The following PDS5A variants were observed in gnomAD, a reference collection of about 807,000 sequenced individuals.
PDS5A encodes the protein sister chromatid cohesion protein PDS5 homolog A.
PDS5A carries 42 observed loss-of-function variants against 167.1 expected under a neutral mutation model. The ratio of observed to expected loss-of-function variants is 0.25; its 90% confidence interval spans 0.20 to 0.33. The LOEUF (loss-of-function observed/expected upper bound fraction) is 0.33, where lower values mean the gene tolerates loss of function less well. PDS5A is among the 10% of genes least tolerant of loss of function. The probability of loss-of-function intolerance (pLI) is 1.00; values close to 1 mark genes in which losing one functional copy is unlikely to be tolerated. For missense variants in PDS5A, 1,033 were observed against 1,605.9 expected, an observed-to-expected ratio of 0.64 and a Z score of 6.10; for synonymous variants, 553 against 554.6, an observed-to-expected ratio of 1.00 and a Z score of 0.04.
chr4:39,932,830 C>CAA (rs144780013), intron 2 of PDS5A: 9 of 149,582 alleles, frequency 6.0e-5, no homozygotes, highest in East Asian at 2.0e-4. Flanking sequence ...GACTCCATTT[C>CAA]AAAAAAAAAG....
Position 39,955,952 on chromosome 4 carries a change from TAAAAATAC to T in PDS5A, c.138+20480_138+20487del, listed in dbSNP as rs1218332440. Among the ~76,000 whole-genome samples, 3 of 151,616 alleles carry T rather than the reference TAAAAATAC, an allele frequency of 2.0e-5. No individual in the cohort carries two copies. In the East Asian group the frequency reaches 5.9e-4, roughly 30 times the overall value. ...CAACATGGCGAAACCCCATCTCTAC[TAAAAATAC>T]AAAAATTAGCCAGACATGGTGGTGG... On this transcript the variant is annotated intron_variant, in intron 2 of 32. Transcript: ENST00000303538.
intron 2 of PDS5A, among the ~76,000 whole-genome samples, chr4:39,929,708 AT>A (rs1339892230): frequency 6.7e-6 from 1 of 149,700 alleles, no homozygotes; most frequent in Non-Finnish European, 1.5e-5. Context: ...CTATATTTTT[AT>A]TCTGCCAAGA....
At chr4:39,910,189 T>C (rs1013436563) in intron 10 of PDS5A, 55 bp downstream of exon 10, 14 of 872,634 alleles carry the variant, frequency 1.6e-5, no homozygotes, top group South Asian at 4.6e-5. Context: ...ACAAGTCATA[T>C]CTACAATATA....
At chr4:39,902,171 A>G (rs535859501) in intron 13 of PDS5A, among the ~76,000 whole-genome samples, 176 bp downstream of exon 13, 2 of 152,352 alleles carry the variant, frequency 1.3e-5, no homozygotes, top group South Asian at 4.1e-4. Context: ...ACAAGCCTAC[A>G]CATATAAGAA....
At chr4:39,973,547 C>T in intron 2 of PDS5A, 1 of 1,310,660 alleles carries the variant, frequency 7.6e-7, no homozygotes, top group Non-Finnish European at 1.1e-6. Context: ...ATCACTAGTG[C>T]AAAGGCTATG....
At chr4:39,935,453 T>C (rs553434209) in intron 2 of PDS5A, among the ~76,000 whole-genome samples, 2 of 152,266 alleles carry the variant, frequency 1.3e-5, no homozygotes, top group Non-Finnish European at 2.9e-5. Context: ...TGTATGTCTA[T>C]ATTCATTCTG....
At chr4:39,912,667 A>C (rs1417836431) in intron 9 of PDS5A, among the ~76,000 whole-genome samples, 2 of 152,206 alleles carry the variant, frequency 1.3e-5, no homozygotes, top group East Asian at 3.8e-4. Flanking sequence ...GAGAATCTCG[A>C]ACATCTCCAG....
intron 32 of PDS5A, among the ~76,000 whole-genome samples, chr4:39,834,364 G>A (rs981513615): frequency 6.6e-6 from 1 of 152,118 alleles, no homozygotes; most frequent in African/African-American, 2.4e-5. Context: ...TGAGTGTTTG[G>A]ACAAAGTCAA....
chr4:39,899,077 T>C (rs1722658196), intron 14 of PDS5A, among the ~76,000 whole-genome samples: 1 of 152,148 alleles, frequency 6.6e-6, no homozygotes, highest in Non-Finnish European at 1.5e-5. Context: ...AACCCACAAG[T>C]ATATAACTTT....
In PDS5A at chr4:39,919,644, C is replaced by CA. The variant is rs1346386937; in HGVS notation, c.735+674dup. On this transcript the variant is annotated intron_variant, in intron 7 of 32. Coordinates refer to ENST00000303538, the MANE Select transcript of PDS5A (RefSeq NM_001100399.2). ...TCAGAGACAGAGTGAGACTCCGTCTCAAAAAAAATTTTTTTTTCATAAAGT... is the reference window on the plus strand; with the variant it reads ...TCAGAGACAGAGTGAGACTCCGTCTCAAAAAAAAATTTTTTTTTCATAAAGT... Among the ~76,000 whole-genome samples, 7 of 151,546 alleles carry CA rather than the reference C, an allele frequency of 4.6e-5. No homozygotes were observed. The East Asian group carries it at 1.4e-3, about 29-fold the overall frequency.
At position 39,977,794 on chromosome 4, in the gene PDS5A, G is replaced by C. The variant is rs1210570162; in HGVS notation, c.-378C>G. ...GCCCGCACGCACCTCGCGCCGGCCC[G>C]GACCGCCGACTCGGACCCGGACGCC... On this transcript the variant is annotated 5_prime_UTR_variant, in exon 1 of 33. Transcript: ENST00000303538. This position sits in a 1 kb window ranked among gnomAD's most constrained non-coding sequence, Gnocchi z 4.2. The C allele has an allele frequency of 6.7e-6, 1 of 149,436 alleles. No homozygotes were observed. Among genetic ancestry groups the C allele is most frequent in the African/African-American group, 2.4e-5 (1 of 41,170 alleles). 9.3% of individuals were successfully genotyped at this position (149,436 alleles called of 1,614,324 possible).
chr4:39,822,869 T>C lies in PDS5A; in HGVS notation c.*2616A>G, dbSNP rs942397755. ...AGGGCTCCACACTACTATATAATGC[T>C]GCATTTCTTGGTTTTATTTGAAACA... On this transcript the variant is annotated 3_prime_UTR_variant, in exon 33 of 33. Transcript: ENST00000303538. 1.3e-5 allele frequency: 2 copies of C among 152,636 alleles called. No individual in the cohort carries two copies. The highest frequency in any genetic ancestry group is 2.9e-5 in the Non-Finnish European group (2 of 68,028). 9.5% of individuals were successfully genotyped at this position (152,636 alleles called of 1,614,324 possible). A position where few individuals can be genotyped will look rare whatever the true frequency, so the allele number is the denominator to read the frequency against.
At chr4:39,941,666 T>C (rs1460386006) in intron 2 of PDS5A, among the ~76,000 whole-genome samples, 1 of 152,188 alleles carries the variant, frequency 6.6e-6, no homozygotes, top group African/African-American at 2.4e-5. Context: ...TTAGAGCAAC[T>C]TTTGGGCCTA....
intron 2 of PDS5A, among the ~76,000 whole-genome samples, chr4:39,939,921 A>G (rs552836614): frequency 1.5e-4 from 23 of 152,382 alleles, no homozygotes; most frequent in Admixed American, 1.2e-3. Context: ...CCTGGGCAAC[A>G]GAGACTCTGT....
Position 39,875,941 on chromosome 4 carries a change from T to A in PDS5A, c.2153+1052A>T, listed in dbSNP as rs894965929. Among the ~76,000 whole-genome samples, 7 of 152,074 alleles carry A rather than the reference T, an allele frequency of 4.6e-5. No homozygotes were observed. In the South Asian group the frequency reaches 1.5e-3, roughly 32 times the overall value. On this transcript the variant is annotated intron_variant, in intron 19 of 32. Transcript: ENST00000303538. ...TCTTGTTTTTTCTAGAGCAGTATAA[T>A]CTAGTGATGCCATCAGAGTTGTTAT...
At chr4:39,892,932 G>A (rs958662605) in intron 16 of PDS5A, among the ~76,000 whole-genome samples, 2 of 152,206 alleles carry the variant, frequency 1.3e-5, no homozygotes, top group Non-Finnish European at 1.5e-5. Flanking sequence ...GGGGGGCCCT[G>A]CATTAGGCCA....
At chr4:39,958,744 G>A (rs2109802714) in intron 2 of PDS5A, among the ~76,000 whole-genome samples, 2 of 151,828 alleles carry the variant, frequency 1.3e-5, no homozygotes, top group Middle Eastern at 3.4e-3. Flanking sequence ...GAGTAGTTGG[G>A]ATTACAGGCG....
At chr4:39,868,263 C>A (rs1015233853) in intron 22 of PDS5A, among the ~76,000 whole-genome samples, 1 of 152,170 alleles carries the variant, frequency 6.6e-6, no homozygotes, top group Non-Finnish European at 1.5e-5. Context: ...TGGGCTCAAG[C>A]GATCCTCCTG....
At chr4:39,911,826 C>T (rs1254377561) in intron 9 of PDS5A, among the ~76,000 whole-genome samples, 4 of 133,332 alleles carry the variant, frequency 3.0e-5, no homozygotes, top group Admixed American at 7.9e-5. Context: ...AGTGAGACTC[C>T]GTCTCAATTA....
Sources: allele counts gnomAD v4.1 joint callset (sites outside exome capture counted in the v4.1 genomes callset), GRCh38; gene constraint gnomAD v4.1.1; non-coding constraint Gnocchi (gnomAD v3.1); transcripts MANE v1.5; gene names NCBI Gene and HGNC (gene_info 2026-07-23, HGNC 2026-07-21).